Variants in IMPG2 observed in about 807,000 individuals in gnomAD.
IMPG2 encodes interphotoreceptor matrix proteoglycan 2.
Under a neutral mutation model 129.2 loss-of-function variants are expected in IMPG2, and 91 were observed. That is an observed-to-expected ratio of 0.70 (90% CI 0.59 to 0.84). IMPG2 has a LOEUF of 0.84. IMPG2 is among the 40% of genes least tolerant of loss of function. The pLI is 0.00. For synonymous variants in IMPG2, 510 were observed against 517.7 expected (o/e 0.99, Z 0.20); for missense variants, 1,430 against 1,461.7 (o/e 0.98, Z 0.35).
chr3:101,271,914 C>A (rs1380416623), intron 7 of IMPG2, among the ~76,000 whole-genome samples: 1 of 152,124 alleles, frequency 6.6e-6, no homozygotes, highest in Admixed American at 6.5e-5. Context: ...TACATGACTG[C>A]TGTGAGCAAA....
chr3:101,296,964 G>A (rs867441289), intron 3 of IMPG2, among the ~76,000 whole-genome samples: 7 of 152,142 alleles, frequency 4.6e-5, no homozygotes, highest in Admixed American at 2.0e-4. Context: ...GTGCAGTGGC[G>A]TGATCTCGGC....
In IMPG2 at chr3:101,230,942, C is replaced by A. The variant is rs1706278451; in HGVS notation, c.3422+15G>T. 1 of 1,606,586 alleles carries A rather than the reference C, an allele frequency of 6.2e-7. No homozygotes were observed. The highest frequency in any genetic ancestry group is 8.5e-7 in the Non-Finnish European group (1 of 1,173,484). ...GAACATTGTATTCCATTAGAGAGCT[C>A]TTTTCCTTATTTACCTGAAGGGACT... On this transcript the variant is annotated intron_variant, in intron 16 of 18. Coordinates refer to ENST00000193391, the MANE Select transcript of IMPG2 (RefSeq NM_016247.4).
chr3:101,246,087 C>A lies in IMPG2; in HGVS notation c.1258G>T (p.Ala420Ser). 1 of 1,613,988 alleles carries A rather than the reference C, an allele frequency of 6.2e-7. No individual in the cohort carries two copies. The highest frequency in any genetic ancestry group is 8.5e-7 in the Non-Finnish European group (1 of 1,179,978). ...SSILDNTFQA[A>S]WPSADESITS... ...ATGGATTCATCTGCTGAGGGCCATG[C>A]AGCTTGAAAGGTATTATCCTGGGGG... The change falls in exon 12 of 19, where the codon GCA becomes TCA. Residue 420 changes from alanine (A) to serine (S), a missense_variant. Coordinates refer to ENST00000193391, the MANE Select transcript of IMPG2 (RefSeq NM_016247.4).
At chr3:101,249,618 A>G (rs1346312594) in intron 11 of IMPG2, among the ~76,000 whole-genome samples, 2 of 152,164 alleles carry the variant, frequency 1.3e-5, no homozygotes, top group African/African-American at 2.4e-5. Context: ...GAGTCTAATA[A>G]CCAAATCTTC....
At chr3:101,299,900 C>T (rs553264901) in intron 3 of IMPG2, among the ~76,000 whole-genome samples, 62 of 152,294 alleles carry the variant, frequency 4.1e-4, no homozygotes, top group Middle Eastern at 3.4e-3. Flanking sequence ...GGGAACAGGA[C>T]ACACTTAACA....
At chr3:101,264,908 C>T (rs933888997) in intron 9 of IMPG2, among the ~76,000 whole-genome samples, 2 of 151,462 alleles carry the variant, frequency 1.3e-5, no homozygotes, top group African/African-American at 4.9e-5. Flanking sequence ...ACACAAGTAA[C>T]AATCTAGCTG....
chr3:101,293,257 A>C (rs1707040946), intron 3 of IMPG2, among the ~76,000 whole-genome samples: 1 of 152,206 alleles, frequency 6.6e-6, no homozygotes, highest in Non-Finnish European at 1.5e-5. Context: ...GAAAAGTTGA[A>C]ATTACTCCTT....
At chr3:101,237,989 A>G (rs1706366280) in intron 14 of IMPG2, among the ~76,000 whole-genome samples, 1 of 152,118 alleles carries the variant, frequency 6.6e-6, no homozygotes, top group African/African-American at 2.4e-5. Flanking sequence ...AGGTTAGACG[A>G]ATCGCTAACT....
intron 14 of IMPG2, among the ~76,000 whole-genome samples, chr3:101,239,804 C>T (rs999394282): frequency 2.6e-5 from 4 of 152,140 alleles, no homozygotes; most frequent in African/African-American, 7.2e-5. Context: ...TTATTCTCAG[C>T]GAACTAACAC....
Position 101,320,422 on chromosome 3 carries a change from G to T in IMPG2, c.-50C>A. ...GAGAGGACAGAATCCTTAATTGAGT[G>T]TCCAAATCCTTGAAACTTCCAATAA... On this transcript the variant is annotated 5_prime_UTR_variant, in exon 1 of 19. Coordinates refer to ENST00000193391, the MANE Select transcript of IMPG2 (RefSeq NM_016247.4). 8.8e-7 allele frequency: 1 copy of T among 1,136,298 alleles called. No homozygotes were observed. Among genetic ancestry groups the T allele is most frequent in the Non-Finnish European group, 1.3e-6 (1 of 749,598 alleles). 70.4% of individuals were successfully genotyped at this position (1,136,298 alleles called of 1,614,324 possible).
intron 11 of IMPG2, among the ~76,000 whole-genome samples, chr3:101,247,621 A>T (rs948757329): frequency 5.3e-5 from 8 of 151,876 alleles, no homozygotes; most frequent in Non-Finnish European, 7.4e-5. Flanking sequence ...AAAAGTAGGT[A>T]TTTGAATAAC....
chr3:101,239,167 C>A (rs1345419143), intron 14 of IMPG2, among the ~76,000 whole-genome samples: 1 of 152,058 alleles, frequency 6.6e-6, no homozygotes, highest in Non-Finnish European at 1.5e-5. Context: ...AATGAGAAAA[C>A]ATTTTTGCAA....
chr3:101,263,320 T>TCTCAAAAA (rs1186769316), intron 9 of IMPG2, among the ~76,000 whole-genome samples: 1 of 151,850 alleles, frequency 6.6e-6, no homozygotes, highest in Admixed American at 6.6e-5. Context: ...ACAGAACAAG[T>TCTCAAAAA]CTCAAAAAAT....
At chr3:101,304,521 C>A (rs1173607626) in intron 2 of IMPG2, among the ~76,000 whole-genome samples, 2 of 152,142 alleles carry the variant, frequency 1.3e-5, no homozygotes, top group Non-Finnish European at 2.9e-5. Flanking sequence ...CCATTCCTTT[C>A]TCTTACAAAG....
chr3:101,307,779 A>G (rs1707220130), intron 2 of IMPG2, among the ~76,000 whole-genome samples: 1 of 152,078 alleles, frequency 6.6e-6, no homozygotes, highest in Admixed American at 6.6e-5. Context: ...TCAAAACACA[A>G]CCATGCCTTT....
intron 11 of IMPG2, among the ~76,000 whole-genome samples, chr3:101,250,073 G>T (rs951345146): frequency 6.6e-6 from 1 of 152,070 alleles, no homozygotes; most frequent in Non-Finnish European, 1.5e-5. Flanking sequence ...GCAAGACGCT[G>T]TCTCAAAAAA....
intron 3 of IMPG2, among the ~76,000 whole-genome samples, chr3:101,294,319 A>T (rs1412764861): frequency 1.4e-5 from 2 of 147,988 alleles, no homozygotes; most frequent in Non-Finnish European, 3.0e-5. Flanking sequence ...TTCAACTCCC[A>T]CTTATCAATG....
chr3:101,258,226 T>C (rs1400250460), intron 9 of IMPG2, among the ~76,000 whole-genome samples: 1 of 152,128 alleles, frequency 6.6e-6, no homozygotes, highest in African/African-American at 2.4e-5. Context: ...AACATAGTTA[T>C]TTATTGTGGT....
intron 9 of IMPG2, among the ~76,000 whole-genome samples, chr3:101,258,695 G>A (rs1706639161): frequency 6.6e-6 from 1 of 152,084 alleles, no homozygotes. Context: ...CAAAAAAGAG[G>A]AGACTTCTTG....
Sources: allele counts gnomAD v4.1 joint callset (sites outside exome capture counted in the v4.1 genomes callset), GRCh38; gene constraint gnomAD v4.1.1; transcripts MANE v1.5; gene names NCBI Gene and HGNC (gene_info 2026-07-23, HGNC 2026-07-21).